Variants in GALK2 observed in about 807,000 individuals in gnomAD.
GALK2 encodes the protein galactokinase 2, also known as N-acetylgalactosamine kinase.
A neutral mutation model predicts 52.4 loss-of-function variants in GALK2; 36 were observed. The observed-to-expected ratio is 0.69, with a 90% confidence interval of 0.53 to 0.91. The LOEUF is 0.91. GALK2 is among the 40% of genes least tolerant of loss of function. The pLI is 0.00. For synonymous variants in GALK2, 176 were observed against 199.1 expected (o/e 0.88, Z 0.98); for missense variants, 579 against 559.1 (o/e 1.04, Z -0.36).
chr15:49,194,163 T>A (rs529412405), intron 1 of GALK2: 1 of 152,080 alleles, frequency 6.6e-6, no homozygotes, highest in East Asian at 2.0e-4. Context: ...CCATCTCTAC[T>A]AAAAATACAA....
At chr15:49,246,419 G>A (rs1212726876) in intron 5 of GALK2, among the ~76,000 whole-genome samples, 1 of 152,178 alleles carries the variant, frequency 6.6e-6, no homozygotes, top group Non-Finnish European at 1.5e-5. Context: ...GTTGTAGACT[G>A]AGCAGGTGAT....
chr15:49,340,432 C>G, intron 3 of GALK2, among the ~76,000 whole-genome samples: 1 of 126,260 alleles, frequency 7.9e-6, no homozygotes, highest in Admixed American at 7.9e-5. Context: ...CGCTTTGCCT[C>G]GCCCTCCTTG....
chr15:49,366,747 T>A, intron 3 of GALK2: 1 of 830,238 alleles, frequency 1.2e-6, no homozygotes, highest in East Asian at 2.7e-5. Context: ...AGGCTGGGAG[T>A]CCCGCCACTG....
intron 5 of GALK2, among the ~76,000 whole-genome samples, chr15:49,247,968 G>T (rs184626607): frequency 1.3e-5 from 2 of 152,296 alleles, no homozygotes; most frequent in East Asian, 3.9e-4. Flanking sequence ...TTTGAAACCT[G>T]TTCTGTACTG....
At position 49,329,958 on chromosome 15, in the gene GALK2, T is replaced by G. The variant is rs2038314966; in HGVS notation, c.*1799T>G. The G allele has an allele frequency of 6.3e-6, 1 of 158,724 alleles. No individual in the cohort carries two copies. Among genetic ancestry groups the G allele is most frequent in the South Asian group, 2.0e-4 (1 of 4,942 alleles). The allele number at this position is 158,724 out of a possible 1,614,324, so 9.8% of individuals were successfully genotyped here. A position where few individuals can be genotyped will look rare whatever the true frequency, so the allele number is the denominator to read the frequency against. ...ATGGTCATTCTAAGCGAGGGATCTA[T>G]TCTATATTTGTTTTGATTTCTCTCG... On this transcript the variant is annotated 3_prime_UTR_variant, in exon 10 of 10. Coordinates refer to ENST00000560031, the MANE Select transcript of GALK2 (RefSeq NM_002044.4).
chr15:49,297,881 T>C (rs1818759721), intron 8 of GALK2, among the ~76,000 whole-genome samples: 1 of 152,136 alleles, frequency 6.6e-6, no homozygotes, highest in African/African-American at 2.4e-5. Context: ...TCTTTTTCCT[T>C]AGGATTGCTT....
intron 5 of GALK2, among the ~76,000 whole-genome samples, chr15:49,267,200 A>G (rs1432131459): frequency 6.6e-6 from 1 of 152,220 alleles, no homozygotes; most frequent in Non-Finnish European, 1.5e-5. Context: ...GTTATAGCCA[A>G]GGAGCAGGGT....
intron 1 of GALK2, chr15:49,156,994 G>C: frequency 3.4e-6 from 1 of 292,320 alleles, no homozygotes; most frequent in South Asian, 3.2e-5. Flanking sequence ...TGAGCTCCCT[G>C]AATTTTCAAG....
At position 49,328,963 on chromosome 15, in the gene GALK2, T is replaced by C. The variant is rs1362482678; in HGVS notation, c.*804T>C. On this transcript the variant is annotated 3_prime_UTR_variant, in exon 10 of 10. Coordinates refer to ENST00000560031, the MANE Select transcript of GALK2 (RefSeq NM_002044.4). ...TTCTATTCACATTGAAATAAAGAAT[T>C]ATCTAGATGATAATTCAGATAATTC... The C allele has an allele frequency of 9.3e-7, 1 of 1,078,356 alleles. No individual in the cohort carries two copies. Among genetic ancestry groups the C allele is most frequent in the Non-Finnish European group, 1.1e-6 (1 of 884,710 alleles). The allele number at this position is 1,078,356 out of a possible 1,614,324, so 66.8% of individuals were successfully genotyped here.
intron 5 of GALK2, among the ~76,000 whole-genome samples, chr15:49,247,482 C>A (rs914508132): frequency 2.6e-5 from 4 of 152,128 alleles, no homozygotes; most frequent in African/African-American, 9.7e-5. Context: ...GACAAATGGT[C>A]AATGCCCTTA....
chr15:49,161,153 T>A (rs1440260602), intron 1 of GALK2, among the ~76,000 whole-genome samples: 1 of 152,246 alleles, frequency 6.6e-6, no homozygotes, highest in Non-Finnish European at 1.5e-5. Flanking sequence ...TTAAATGTAA[T>A]GCCTTATTCC....
downstream of GALK2, among the ~76,000 whole-genome samples, chr15:49,332,790 G>T (rs1345691648): frequency 6.6e-6 from 1 of 152,132 alleles, no homozygotes; most frequent in Admixed American, 6.5e-5. Context: ...TTAACCCCTT[G>T]CCAGGCCTAG....
chr15:49,231,547 A>G (rs2090503433), intron 3 of GALK2, among the ~76,000 whole-genome samples: 3 of 152,332 alleles, frequency 2.0e-5, no homozygotes, highest in Admixed American at 2.0e-4. Flanking sequence ...TTCCAGCATT[A>G]ACTTACAAGT....
intron 3 of GALK2, among the ~76,000 whole-genome samples, chr15:49,357,868 C>G (rs565974338): frequency 2.5e-4 from 38 of 151,980 alleles, no homozygotes; most frequent in African/African-American, 8.0e-4. Flanking sequence ...ATCCAGCAGC[C>G]CATCAAAAAG....
In GALK2 at chr15:49,218,950, G is replaced by A. The variant is rs187777476; in HGVS notation, c.266+1637G>A. ...AAGAGATTCTCCCACTTCAGTCTCC[G>A]GAGTAGCTGGGACTACAGGCACATG... On this transcript the variant is annotated intron_variant, in intron 3 of 9. Transcript: ENST00000560031. Among the ~76,000 whole-genome samples the A allele has an allele frequency of 4.2e-3, 635 of 152,112 alleles. 10 individuals carry two copies. The highest frequency in any genetic ancestry group is 0.015 in the African/African-American group (603 of 41,492).
At chr15:49,278,124 G>T (rs1186303263) in intron 5 of GALK2, among the ~76,000 whole-genome samples, 1 of 152,062 alleles carries the variant, frequency 6.6e-6, no homozygotes, top group Non-Finnish European at 1.5e-5. Flanking sequence ...AGCCTGGCGT[G>T]GTGGCGGGCG....
At chr15:49,211,004 C>CACACACACACAG (rs1219373291) in intron 2 of GALK2, among the ~76,000 whole-genome samples, 3 of 149,054 alleles carry the variant, frequency 2.0e-5, no homozygotes, top group Non-Finnish European at 4.5e-5. Context: ...CACACACACA[C>CACACACACACAG]ACGGCCTTTT....
At chr15:49,275,928 C>A (rs935357728) in intron 5 of GALK2, among the ~76,000 whole-genome samples, 45 of 152,168 alleles carry the variant, frequency 3.0e-4, no homozygotes, top group African/African-American at 1.1e-3. Flanking sequence ...TTGTTTCCTA[C>A]CCAGGCTGCT....
At chr15:49,222,743 C>T (rs551028795) in intron 3 of GALK2, among the ~76,000 whole-genome samples, 5 of 152,230 alleles carry the variant, frequency 3.3e-5, no homozygotes, top group South Asian at 4.2e-4. Flanking sequence ...GGATAAATCC[C>T]GCTTGATCAT....
Sources: gnomAD v4.1 joint callset for allele counts (sites outside exome capture counted in the v4.1 genomes callset) on GRCh38, gnomAD v4.1.1 for gene constraint, MANE v1.5 for transcripts, NCBI Gene and HGNC (gene_info 2026-07-23, HGNC 2026-07-21) for gene names.